The following LINGO2 variants were observed in gnomAD, a reference collection of about 807,000 sequenced individuals.
LINGO2 encodes the protein leucine rich repeat and Ig domain containing 2.
A neutral mutation model predicts 30.6 loss-of-function variants in LINGO2; 14 were observed. The ratio of observed to expected loss-of-function variants is 0.46; its 90% confidence interval spans 0.30 to 0.72. The LOEUF is 0.72. Ranked by LOEUF, LINGO2 falls within the 30% of genes least tolerant of loss-of-function variation. The probability of loss-of-function intolerance (pLI) is 0.07; values close to 1 mark genes in which losing one functional copy is unlikely to be tolerated. For missense variants in LINGO2, 729 were observed against 751.7 expected (o/e 0.97, Z 0.35); for synonymous variants, 317 against 288.5 (o/e 1.10, Z -1.00).
At chr9:28,526,410 T>A (rs1821042128) in intron 1 of LINGO2, among the ~76,000 whole-genome samples, 1 of 152,176 alleles carries the variant, frequency 6.6e-6, no homozygotes, top group Non-Finnish European at 1.5e-5. Context: ...AGAGACTAGC[T>A]TCCATCTTTC....
chr9:28,921,886 A>G, the LINGO2 span, among the ~76,000 whole-genome samples: 1 of 152,134 alleles, frequency 6.6e-6, no homozygotes, highest in African/African-American at 2.4e-5. Context: ...AGACTATTTT[A>G]TTATCCTGGA....
intron 1 of LINGO2, among the ~76,000 whole-genome samples, chr9:28,573,381 C>G (rs184918838): frequency 6.6e-6 from 1 of 152,102 alleles, no homozygotes; most frequent in Non-Finnish European, 1.5e-5. Flanking sequence ...TTCATCTTAG[C>G]AACTTTAAAT....
intron 2 of LINGO2, among the ~76,000 whole-genome samples, chr9:28,438,568 T>C (rs557822100): frequency 6.6e-6 from 1 of 152,138 alleles, no homozygotes; most frequent in East Asian, 1.9e-4. Context: ...TGTGGGACTT[T>C]TAGGCTTCCA....
At chr9:28,750,821 C>T in the LINGO2 span, among the ~76,000 whole-genome samples, 3 of 151,980 alleles carry the variant, frequency 2.0e-5, no homozygotes, top group African/African-American at 4.8e-5. Context: ...TTGTGGAAGG[C>T]GGTCTGCCAC....
chr9:28,200,400 C>G (rs1347929349), intron 4 of LINGO2, among the ~76,000 whole-genome samples: 1 of 152,016 alleles, frequency 6.6e-6, no homozygotes, highest in Non-Finnish European at 1.5e-5. Context: ...TAAGATCACA[C>G]AGGCTTTATC....
At chr9:29,099,939 A>G in the LINGO2 span, among the ~76,000 whole-genome samples, 2 of 152,172 alleles carry the variant, frequency 1.3e-5, no homozygotes, top group Non-Finnish European at 2.9e-5. Flanking sequence ...TCCCATATTC[A>G]TTGCAGCACT....
At chr9:28,890,425 C>G in the LINGO2 span, among the ~76,000 whole-genome samples, 4 of 152,172 alleles carry the variant, frequency 2.6e-5, no homozygotes, top group East Asian at 1.9e-4. Flanking sequence ...GAGACCTGAT[C>G]AAAGGGGCCT....
At chr9:28,994,858 A>T in the LINGO2 span, among the ~76,000 whole-genome samples, 27 of 152,344 alleles carry the variant, frequency 1.8e-4, no homozygotes, top group African/African-American at 6.3e-4. Context: ...CACCTTATAC[A>T]AAAATTAATT....
chr9:29,059,413 T>TAA, the LINGO2 span, among the ~76,000 whole-genome samples: 3 of 138,444 alleles, frequency 2.2e-5, 1 homozygote, highest in South Asian at 6.9e-4. Context: ...AGATTAAAAT[T>TAA]AAAAAATAAA....
At chr9:28,879,414 T>A in the LINGO2 span, among the ~76,000 whole-genome samples, 2 of 152,268 alleles carry the variant, frequency 1.3e-5, no homozygotes, top group South Asian at 2.1e-4. Flanking sequence ...TATCCTTCAA[T>A]AGTGATAATA....
At chr9:28,982,997 C>T in the LINGO2 span, among the ~76,000 whole-genome samples, 2 of 151,262 alleles carry the variant, frequency 1.3e-5, no homozygotes, top group Non-Finnish European at 3.0e-5. Context: ...TGCCATTTCT[C>T]GCCTACTTTT....
At chr9:29,185,335 G>A in the LINGO2 span, among the ~76,000 whole-genome samples, 2 of 151,970 alleles carry the variant, frequency 1.3e-5, no homozygotes, top group African/African-American at 4.8e-5. Context: ...CCCCTTGATA[G>A]GAAAAATTGC....
chr9:28,472,464 T>C (rs965921774), intron 2 of LINGO2, among the ~76,000 whole-genome samples: 2 of 152,028 alleles, frequency 1.3e-5, no homozygotes, highest in Non-Finnish European at 2.9e-5. Flanking sequence ...CATGAGAAAT[T>C]AAAAAAGAAA....
chr9:29,167,090 T>C, the LINGO2 span, among the ~76,000 whole-genome samples: 2 of 152,160 alleles, frequency 1.3e-5, no homozygotes, highest in Non-Finnish European at 2.9e-5. Flanking sequence ...TAATTATTTA[T>C]TTTGTATAGT....
At chr9:28,463,372 C>A (rs570379829) in intron 2 of LINGO2, among the ~76,000 whole-genome samples, 4 of 150,690 alleles carry the variant, frequency 2.7e-5, no homozygotes, top group Non-Finnish European at 5.9e-5. Context: ...CACCAAAAGG[C>A]CAAAAAATAT....
the LINGO2 span, chr9:28,863,587 C>CT: frequency 1.9e-5 from 10 of 522,764 alleles, no homozygotes; most frequent in South Asian, 1.4e-4. Context: ...GTAAAGGAAT[C>CT]TTAGGCTTCA....
chr9:29,060,847 CAG>C, the LINGO2 span, among the ~76,000 whole-genome samples: 4 of 151,348 alleles, frequency 2.6e-5, no homozygotes, highest in Non-Finnish European at 1.5e-5. Context: ...ATCTGAAGAA[CAG>C]AGAGAAAAAT....
the LINGO2 span, among the ~76,000 whole-genome samples, chr9:28,737,390 C>T: frequency 6.6e-6 from 1 of 152,170 alleles, no homozygotes; most frequent in Admixed American, 6.5e-5. Flanking sequence ...ATTGCAGAAA[C>T]ATGGCCAAAT....
At chr9:28,575,676 C>T (rs1266104876) in intron 1 of LINGO2, among the ~76,000 whole-genome samples, 2 of 151,952 alleles carry the variant, frequency 1.3e-5, no homozygotes, top group Non-Finnish European at 2.9e-5. Flanking sequence ...CCTGCATACA[C>T]AATACACCTG....
Sources: allele counts gnomAD v4.1 joint callset (sites outside exome capture counted in the v4.1 genomes callset), GRCh38; gene constraint gnomAD v4.1.1; transcripts MANE v1.5; gene names NCBI Gene and HGNC (gene_info 2026-07-23, HGNC 2026-07-21).